Variants in GRID1 observed in about 807,000 individuals in gnomAD.
GRID1 encodes glutamate ionotropic receptor delta type subunit 1.
A neutral mutation model predicts 98.0 loss-of-function variants in GRID1; 28 were observed. The observed-to-expected ratio is 0.29, with a 90% CI of 0.21 to 0.39. The LOEUF is 0.39. GRID1 is among the 10% of genes least tolerant of loss of function. The pLI is 1.00. For missense variants in GRID1, 1,111 were observed against 1,340.5 expected (o/e 0.83, Z 2.67); for synonymous variants, 553 against 538.5 (o/e 1.03, Z -0.37).
At chr10:86,262,119 CAAGTCACCTTCTAG>C (rs1250160469) in intron 2 of GRID1, among the ~76,000 whole-genome samples, 1 of 152,214 alleles carries the variant, frequency 6.6e-6, no homozygotes, top group Non-Finnish European at 1.5e-5. Context: ...TTACACTGTG[CAAGTCACCTTCTAG>C]AAGGAGGAGG....
At chr10:86,209,043 C>T (rs1199004533) in intron 2 of GRID1, among the ~76,000 whole-genome samples, 1 of 152,044 alleles carries the variant, frequency 6.6e-6, no homozygotes, top group Admixed American at 6.5e-5. Context: ...GGGAAAGTGC[C>T]TGTCATAAAA....
At chr10:85,985,085 C>T (rs570058310) in intron 4 of GRID1, among the ~76,000 whole-genome samples, 2 of 152,172 alleles carry the variant, frequency 1.3e-5, no homozygotes, top group African/African-American at 4.8e-5. Flanking sequence ...CCCAACCCCC[C>T]AGCTGTAACA....
intron 2 of GRID1, among the ~76,000 whole-genome samples, chr10:86,260,621 A>T (rs570344261): frequency 1.3e-5 from 2 of 152,342 alleles, no homozygotes; most frequent in East Asian, 3.9e-4. Flanking sequence ...GAGGGCTGTT[A>T]AGAGCTGGGC....
At chr10:86,219,730 T>C (rs1846226853) in intron 2 of GRID1, among the ~76,000 whole-genome samples, 1 of 152,160 alleles carries the variant, frequency 6.6e-6, no homozygotes, top group Admixed American at 6.5e-5. Flanking sequence ...GATTCTTATG[T>C]GGCCAAGTGC....
At chr10:85,975,634 C>T (rs1842462694) in intron 4 of GRID1, among the ~76,000 whole-genome samples, 1 of 148,578 alleles carries the variant, frequency 6.7e-6, no homozygotes, top group Admixed American at 7.0e-5. Context: ...CTATAGTAAG[C>T]TACCCCAGAA....
At chr10:85,985,565 A>G (rs528253384) in intron 4 of GRID1, among the ~76,000 whole-genome samples, 1,640 of 152,298 alleles carry the variant, frequency 0.011, no homozygotes, top group African/African-American at 0.038. Context: ...GCCATCCTGG[A>G]ACCCCAGATG....
At chr10:85,737,673 T>TATGTATAA (rs1342754070) in intron 8 of GRID1, among the ~76,000 whole-genome samples, 9 of 113,036 alleles carry the variant, frequency 8.0e-5, no homozygotes, top group African/African-American at 3.2e-4. Context: ...TATATATATA[T>TATGTATAA]AAACATATAT....
At chr10:85,786,570 C>T (rs1326544608) in intron 8 of GRID1, among the ~76,000 whole-genome samples, 2 of 152,212 alleles carry the variant, frequency 1.3e-5, no homozygotes, top group East Asian at 3.9e-4. Flanking sequence ...CAAGGCATAG[C>T]TTTCTCCCCG....
chr10:86,227,248 C>A (rs990463202), intron 2 of GRID1, among the ~76,000 whole-genome samples: 1 of 152,190 alleles, frequency 6.6e-6, no homozygotes, highest in Non-Finnish European at 1.5e-5. Context: ...CAACTGGGGC[C>A]GCCCCTCCCC....
At chr10:86,311,891 A>C (rs1343126121) in intron 2 of GRID1, among the ~76,000 whole-genome samples, 3 of 152,208 alleles carry the variant, frequency 2.0e-5, no homozygotes, top group Admixed American at 6.5e-5. Flanking sequence ...GCAGCCTCAC[A>C]ATCTGTTTTA....
At chr10:85,732,067 G>A (rs998176828) in intron 8 of GRID1, among the ~76,000 whole-genome samples, 1 of 152,176 alleles carries the variant, frequency 6.6e-6, no homozygotes, top group Non-Finnish European at 1.5e-5. Context: ...GACAAATGGG[G>A]TCAAGGGGTT....
chr10:85,933,924 C>T (rs1406492289), intron 4 of GRID1, among the ~76,000 whole-genome samples: 1 of 152,186 alleles, frequency 6.6e-6, no homozygotes, highest in Non-Finnish European at 1.5e-5. Context: ...ACACATCTTT[C>T]TAGAAGGATG....
At chr10:86,292,333 G>A (rs1244356764) in intron 2 of GRID1, among the ~76,000 whole-genome samples, 2 of 152,362 alleles carry the variant, frequency 1.3e-5, no homozygotes, top group Admixed American at 6.5e-5. Flanking sequence ...GAGATTGTCA[G>A]GACTGACAGC....
intron 5 of GRID1, among the ~76,000 whole-genome samples, chr10:85,905,587 A>G (rs1841449767): frequency 6.6e-6 from 1 of 152,178 alleles, no homozygotes; most frequent in African/African-American, 2.4e-5. Flanking sequence ...TGAAAGTAAC[A>G]TTTATTATAA....
At chr10:85,843,664 T>A (rs1226740918) in intron 8 of GRID1, among the ~76,000 whole-genome samples, 1 of 152,032 alleles carries the variant, frequency 6.6e-6, no homozygotes, top group African/African-American at 2.4e-5. Flanking sequence ...GGTATCCAGA[T>A]GGCAAATAGG....
At chr10:86,334,238 A>C (rs542940497) in intron 2 of GRID1, among the ~76,000 whole-genome samples, 1 of 152,282 alleles carries the variant, frequency 6.6e-6, no homozygotes, top group African/African-American at 2.4e-5. Context: ...TAAAATTATA[A>C]TTAGGTGGTG....
chr10:85,978,040 C>T (rs1564640509), intron 4 of GRID1, among the ~76,000 whole-genome samples: 1 of 152,224 alleles, frequency 6.6e-6, no homozygotes, highest in African/African-American at 2.4e-5. Flanking sequence ...TCTCTGAAAA[C>T]ATACTACTAA....
At chr10:85,837,817 A>T (rs970644905) in intron 8 of GRID1, among the ~76,000 whole-genome samples, 2 of 152,190 alleles carry the variant, frequency 1.3e-5, no homozygotes, top group African/African-American at 4.8e-5. Flanking sequence ...GGCTAAGGTG[A>T]CTGAAATGAC....
intron 2 of GRID1, among the ~76,000 whole-genome samples, chr10:86,208,743 C>T (rs958268047): frequency 6.6e-6 from 1 of 152,218 alleles, no homozygotes; most frequent in African/African-American, 2.4e-5. Flanking sequence ...CTGCTGTGTT[C>T]ACCATCCTTT....
Sources: gnomAD v4.1 joint callset for allele counts (sites outside exome capture counted in the v4.1 genomes callset) on GRCh38, gnomAD v4.1.1 for gene constraint, MANE v1.5 for transcripts, NCBI Gene and HGNC (gene_info 2026-07-23, HGNC 2026-07-21) for gene names.